The following NFATC3 variants were observed in gnomAD, a reference collection of about 807,000 sequenced individuals.
NFATC3 encodes the protein nuclear factor of activated T-cells, cytoplasmic 3.
A neutral mutation model predicts 98.6 loss-of-function variants in NFATC3; 46 were observed. The ratio of observed to expected loss-of-function variants is 0.47; its 90% CI spans 0.37 to 0.60. NFATC3 has a LOEUF of 0.60. NFATC3 is among the 20% of genes least tolerant of loss of function. The pLI, the probability that NFATC3 is intolerant of heterozygous loss-of-function variation, is 0.00. For missense variants in NFATC3, 1,256 were observed against 1,295.5 expected (o/e 0.97, Z 0.47); for synonymous variants, 512 against 472.2 (o/e 1.08, Z -1.09).
intron 1 of NFATC3, among the ~76,000 whole-genome samples, chr16:68,087,209 TCAG>T (rs1257203041): frequency 2.0e-5 from 3 of 152,208 alleles, no homozygotes; most frequent in African/African-American, 7.2e-5. Flanking sequence ...GTTGATGATG[TCAG>T]CAGATTTTAT....
intron 5 of NFATC3, among the ~76,000 whole-genome samples, chr16:68,169,324 A>C (rs1431324174): frequency 2.0e-5 from 3 of 151,990 alleles, no homozygotes; most frequent in African/African-American, 7.3e-5. Context: ...GCTGGAGTGC[A>C]ATGGCATGAT....
chr16:68,196,751 G>A (rs532363955), intron 9 of NFATC3, among the ~76,000 whole-genome samples: 1 of 152,182 alleles, frequency 6.6e-6, no homozygotes, highest in Admixed American at 6.5e-5. Flanking sequence ...AATTAAAATG[G>A]CTGGGCGCAG....
chr16:68,093,529 A>T (rs969621548), intron 1 of NFATC3, among the ~76,000 whole-genome samples: 1 of 152,216 alleles, frequency 6.6e-6, no homozygotes, highest in Non-Finnish European at 1.5e-5. Context: ...GAACAACAAC[A>T]ACAAAAATCC....
chr16:68,085,759 G>A lies in NFATC3; in HGVS notation c.78G>A (p.Pro26=). ...LVFGEDGAPA[P]PPPGSRPADL... ...TTGGCGAGGACGGGGCGCCGGCGCC[G>A]CCGCCCCCGGGCTCGCGGCCTGCAG... Residue 26 remains proline (P), a synonymous_variant, in exon 1 of 10, where the codon CCG becomes CCA. Transcript: ENST00000346183. 1 of 1,499,724 alleles carries A rather than the reference G, an allele frequency of 6.7e-7. No homozygotes were observed. The highest frequency in any genetic ancestry group is 1.5e-5 in the African/African-American group (1 of 68,562). The allele number at this position is 1,499,724 out of a possible 1,614,324, so 92.9% of individuals were successfully genotyped here. A position where few individuals can be genotyped will look rare whatever the true frequency, so the allele number is the denominator to read the frequency against.
intron 9 of NFATC3, chr16:68,221,433 T>C: frequency 1.4e-6 from 2 of 1,412,428 alleles, no homozygotes; most frequent in South Asian, 3.3e-5. Flanking sequence ...GCCTAAAATT[T>C]ATATTCAGTG....
intron 1 of NFATC3, among the ~76,000 whole-genome samples, chr16:68,104,371 G>GT (rs1189024471): frequency 6.6e-6 from 1 of 152,076 alleles, no homozygotes; most frequent in Non-Finnish European, 1.5e-5. Context: ...ATGTGTTGAT[G>GT]TTTTACCCTG....
At chr16:68,104,679 T>C (rs1328465278) in intron 1 of NFATC3, among the ~76,000 whole-genome samples, 1 of 145,532 alleles carries the variant, frequency 6.9e-6, no homozygotes, top group East Asian at 2.0e-4. Context: ...TGAAATGGAG[T>C]CTGGCTCTGT....
At chr16:68,087,196 A>G (rs1223366059) in intron 1 of NFATC3, among the ~76,000 whole-genome samples, 1 of 152,244 alleles carries the variant, frequency 6.6e-6, no homozygotes, top group Non-Finnish European at 1.5e-5. Context: ...AAAGAGATAA[A>G]CAGTTGATGA....
At chr16:68,164,969 T>A (rs1400951332) in intron 4 of NFATC3, among the ~76,000 whole-genome samples, 1 of 152,242 alleles carries the variant, frequency 6.6e-6, no homozygotes, top group Non-Finnish European at 1.5e-5. Flanking sequence ...AAGAGTTTTT[T>A]TCTTGTTTTA....
intron 1 of NFATC3, among the ~76,000 whole-genome samples, chr16:68,097,176 G>A (rs2035062481): frequency 6.6e-6 from 1 of 152,204 alleles, no homozygotes; most frequent in South Asian, 2.1e-4. Context: ...AGGAGAATTA[G>A]CTTTGGAGGT....
At chr16:68,220,323 A>T (rs2041812267) in intron 9 of NFATC3, among the ~76,000 whole-genome samples, 1 of 152,134 alleles carries the variant, frequency 6.6e-6, no homozygotes, top group Non-Finnish European at 1.5e-5. Context: ...CAGGAGTTTG[A>T]GACCAACCTG....
At chr16:68,212,952 G>A (rs1260640895) in intron 9 of NFATC3, among the ~76,000 whole-genome samples, 1 of 145,404 alleles carries the variant, frequency 6.9e-6, no homozygotes, top group Non-Finnish European at 1.5e-5. Flanking sequence ...ACCACGCCTG[G>A]CTGATTTTTT....
chr16:68,117,134 A>G (rs1204124930), intron 1 of NFATC3, among the ~76,000 whole-genome samples: 1 of 152,190 alleles, frequency 6.6e-6, no homozygotes, highest in Non-Finnish European at 1.5e-5. Flanking sequence ...AATTTCTGTG[A>G]GTTAAACACA....
At chr16:68,089,069 C>G in intron 1 of NFATC3, 1 of 985,396 alleles carries the variant, frequency 1.0e-6, no homozygotes, top group Non-Finnish European at 1.2e-6. Flanking sequence ...AGTTCTTTGG[C>G]TTTTATTGAT....
rs1567509075 is a variant in NFATC3 at position 68,122,926 on chromosome 16, CT to C, written c.1044del (p.Ala349ProfsTer7). 1.2e-6 allele frequency: 2 copies of C among 1,614,216 alleles called. No individual in the cohort carries two copies. The highest frequency in any genetic ancestry group is 1.7e-5 in the Admixed American group (1 of 60,030). On this transcript the variant is annotated frameshift_variant, in exon 2 of 10. Coordinates refer to ENST00000346183, the MANE Select transcript of NFATC3 (RefSeq NM_173165.3). LOFTEE classifies it high-confidence loss of function. ...ACAAGGAAAACTTCTGAAGATCAAG[CT>C]GCCATACTACCAGGAAAATTAGAGC... Reference protein sequence around the residue: ...LKTRKTSEDQAAILPGKLELC... With the variant: ...LKTRKTSEDQXAILPGKLELC...
intron 9 of NFATC3, chr16:68,225,766 TG>T (rs1298761266): frequency 1.3e-5 from 2 of 152,234 alleles, no homozygotes; most frequent in Admixed American, 1.3e-4. Context: ...TTCCCTTCTA[TG>T]TTAGTTCTGT....
intron 9 of NFATC3, among the ~76,000 whole-genome samples, chr16:68,208,649 G>A (rs2041248153): frequency 6.6e-6 from 1 of 151,938 alleles, no homozygotes; most frequent in Non-Finnish European, 1.5e-5. Context: ...AGAATCGCTT[G>A]AACCTGGGAG....
chr16:68,191,616 CA>C lies in NFATC3; in HGVS notation c.2948del (p.Gln983ArgfsTer10), dbSNP rs1293582025. Reference protein sequence around the residue: ...QHSTQAQSTGQGGLSAPSSLI... With the variant: ...QHSTQAQSTGXGGLSAPSSLI... ...CTCAACTCAAGCACAAAGTACGGGC[CA>C]GGGGGGTCTTTCTGCACCTTCATCC... On this transcript the variant is annotated frameshift_variant, in exon 9 of 10. Transcript: ENST00000346183. LOFTEE classifies it high-confidence loss of function. The C allele has an allele frequency of 2.5e-6, 4 of 1,614,004 alleles. No individual in the cohort carries two copies. The highest frequency in any genetic ancestry group is 3.4e-6 in the Non-Finnish European group (4 of 1,180,040).
Position 68,228,968 on chromosome 16 carries a change from A to C in NFATC3, c.*2497A>C, listed in dbSNP as rs1213673218. 1 of 152,202 alleles carries C rather than the reference A, an allele frequency of 6.6e-6. No homozygotes were observed. Among genetic ancestry groups the C allele is most frequent in the Non-Finnish European group, 1.5e-5 (1 of 68,034 alleles). The allele number at this position is 152,202 out of a possible 1,614,324, so 9.4% of individuals were successfully genotyped here. ...ACCCAGGGCCAGCCATTATCACCAG[A>C]CCTCTTCTGGGCCTGGCTGTGAAGC... On this transcript the variant is annotated 3_prime_UTR_variant, in exon 10 of 10. Transcript: ENST00000346183.
Sources: gnomAD v4.1 joint callset for allele counts (sites outside exome capture counted in the v4.1 genomes callset) on GRCh38, gnomAD v4.1.1 for gene constraint, MANE v1.5 for transcripts, NCBI Gene and HGNC (gene_info 2026-07-23, HGNC 2026-07-21) for gene names.